The following PDGFRA variants were observed in gnomAD, a reference collection of about 807,000 sequenced individuals.
PDGFRA encodes the protein platelet-derived growth factor receptor alpha.
In PDGFRA, 25 loss-of-function variants were observed where a neutral mutation model predicts 121.5. That is an observed-to-expected ratio of 0.21 (90% CI 0.15 to 0.29). The LOEUF (loss-of-function observed/expected upper bound fraction) is 0.29, where lower values mean the gene tolerates loss of function less well. Among genes scored for constraint, PDGFRA ranks in the 10% least tolerant of loss-of-function variants. The pLI is 1.00. For synonymous variants in PDGFRA, 463 were observed against 494.8 expected (o/e 0.94, Z 0.85); for missense variants, 1,008 against 1,345.1 (o/e 0.75, Z 3.92).
chr4:54,267,926 A>G (rs892456042), intron 7 of PDGFRA, among the ~76,000 whole-genome samples, 185 bp downstream of exon 7: 6 of 152,212 alleles, frequency 3.9e-5, no homozygotes. Context: ...TATGCTGGTA[A>G]GTATTTAATG....
intron 1 of PDGFRA, among the ~76,000 whole-genome samples, chr4:54,245,423 A>G (rs1415112316): frequency 1.3e-5 from 2 of 151,746 alleles, no homozygotes; most frequent in African/African-American, 2.4e-5. Context: ...ATTCTTAAAG[A>G]AAAGAATTTT....
At chr4:54,245,398 G>A (rs1298481618) in intron 1 of PDGFRA, among the ~76,000 whole-genome samples, 1 of 152,088 alleles carries the variant, frequency 6.6e-6, no homozygotes, top group Admixed American at 6.6e-5. Flanking sequence ...AAGAGAGTGG[G>A]GGCCAATATT....
chr4:54,237,078 C>T (rs1049896795), intron 1 of PDGFRA, among the ~76,000 whole-genome samples: 32 of 152,194 alleles, frequency 2.1e-4, no homozygotes, highest in Non-Finnish European at 3.4e-4. Context: ...AAGCCATTCT[C>T]CTGCCTCAGC....
chr4:54,239,828 T>TA (rs997877979), intron 1 of PDGFRA, among the ~76,000 whole-genome samples: 6 of 149,576 alleles, frequency 4.0e-5, no homozygotes, highest in African/African-American at 1.0e-4. Context: ...GTTTCTTTTT[T>TA]AAAAAAAATT....
intron 1 of PDGFRA, among the ~76,000 whole-genome samples, chr4:54,255,731 T>C (rs1301633318): frequency 6.6e-6 from 1 of 152,036 alleles, no homozygotes; most frequent in Non-Finnish European, 1.5e-5. Flanking sequence ...GGTCTCCATC[T>C]CCTGATCTCA....
At position 54,290,533 on chromosome 4, in the gene PDGFRA, T is replaced by C. The variant is rs1444268252; in HGVS notation, c.3101T>C (p.Leu1034Pro). 11 of 1,614,166 alleles carry C rather than the reference T, an allele frequency of 6.8e-6. No individual in the cohort carries two copies. The highest frequency in any genetic ancestry group is 9.3e-6 in the Non-Finnish European group (11 of 1,180,016). The change falls in exon 22 of 23, where the codon CTG (leucine) becomes CCG (proline). Residue 1034 changes from leucine to proline, a missense_variant. This residue lies in a region of PDGFRA where 204 missense variants were observed against 243.0 expected (regional missense o/e 0.84). Transcript: ENST00000257290. ...GACCCTGTCCCTGAGGAGGAGGACC[T>C]GGGCAAGAGGAACAGACACAGGTAG... The part of the protein sequence containing the change: ...DIDPVPEEED[L>P]GKRNRHSSQT...
intron 16 of PDGFRA, among the ~76,000 whole-genome samples, chr4:54,281,292 C>CA (rs35478316): frequency 3.3e-4 from 50 of 152,206 alleles, no homozygotes; most frequent in South Asian, 2.5e-3. Flanking sequence ...TTAGTCAATG[C>CA]AAAAAAGTGT....
chr4:54,276,435 G>A (rs1246300279), intron 12 of PDGFRA, among the ~76,000 whole-genome samples: 1 of 152,168 alleles, frequency 6.6e-6, no homozygotes, highest in African/African-American at 2.4e-5. Flanking sequence ...AATCGGCTCT[G>A]TCTAGGCAGC....
chr4:54,297,899 A>C lies in PDGFRA; in HGVS notation c.*2627A>C, dbSNP rs571005189. On this transcript the variant is annotated 3_prime_UTR_variant, in exon 23 of 23. Coordinates refer to ENST00000257290, the MANE Select transcript of PDGFRA (RefSeq NM_006206.6). ...GGGACATAAGATAAAATGATGTTATACATCAATATGTATATATGTATTTCT... is the reference window on the plus strand; with the variant it reads ...GGGACATAAGATAAAATGATGTTATCCATCAATATGTATATATGTATTTCT... 4.3e-6 allele frequency: 1 copy of C among 233,384 alleles called. No homozygotes were observed. The highest frequency in any genetic ancestry group is 6.1e-5 in the East Asian group (1 of 16,490). The allele number at this position is 233,384 out of a possible 1,614,324, so 14.5% of individuals were successfully genotyped here. A position where few individuals can be genotyped will look rare whatever the true frequency, so the allele number is the denominator to read the frequency against.
At chr4:54,233,083 G>A (rs1212553055) in intron 1 of PDGFRA, among the ~76,000 whole-genome samples, 4 of 151,110 alleles carry the variant, frequency 2.6e-5, no homozygotes, top group African/African-American at 9.7e-5. Flanking sequence ...CACCCGCCCG[G>A]CCCCCTCTCG....
chr4:54,271,993 CCCCTCCCCCCCT>C (rs1723423727), intron 8 of PDGFRA, among the ~76,000 whole-genome samples: 1 of 8,156 alleles, frequency 1.2e-4, no homozygotes, highest in Non-Finnish European at 2.4e-4. Context: ...CCTCCCCTCC[CCCCTCCCCCCCT>C]CCCCTCCCCT....
intron 2 of PDGFRA, 146 bp downstream of exon 2, chr4:54,258,963 G>A (rs1257682718): frequency 1.4e-6 from 1 of 733,606 alleles, no homozygotes; most frequent in African/African-American, 1.8e-5. Flanking sequence ...TATCCAGAAT[G>A]ACCACAAACC....
At chr4:54,288,129 C>T (rs1323133641) in intron 19 of PDGFRA, among the ~76,000 whole-genome samples, 1 of 152,078 alleles carries the variant, frequency 6.6e-6, no homozygotes, top group African/African-American at 2.4e-5. Flanking sequence ...AAACAGTGTG[C>T]TGCTGATTTA....
chr4:54,240,756 A>G (rs1708017512), intron 1 of PDGFRA, among the ~76,000 whole-genome samples: 1 of 152,224 alleles, frequency 6.6e-6, no homozygotes. Flanking sequence ...CCTTTTAGGC[A>G]ATTGGAGCAA....
intron 1 of PDGFRA, among the ~76,000 whole-genome samples, chr4:54,249,725 T>C (rs1356011471): frequency 2.0e-5 from 3 of 152,068 alleles, no homozygotes; most frequent in Non-Finnish European, 4.4e-5. Flanking sequence ...GCATGGCACA[T>C]GTATACATAT....
At chr4:54,266,112 G>T (rs913077723) in intron 5 of PDGFRA, among the ~76,000 whole-genome samples, 1 of 152,156 alleles carries the variant, frequency 6.6e-6, no homozygotes, top group Non-Finnish European at 1.5e-5. Flanking sequence ...TGGTTCTTCT[G>T]TTCATACTTG....
In PDGFRA at chr4:54,273,707, G is replaced by A. The variant is rs1174017872; in HGVS notation, c.1535G>A (p.Arg512Gln). ...LAKNLLGAEN[R>Q]ELKLVAPTLR... is the part of the protein sequence containing the mutation. ...AAGAATCTCCTTGGAGCTGAGAACC[G>A]AGAGCTGAAGCTGGTGGCTCCCAGT... Residue 512 changes from arginine (R) to glutamine (Q), a missense_variant, in exon 10 of 23, where the codon CGA becomes CAA. Around this residue, in one of 5 missense-constraint regions of PDGFRA, gnomAD observed 575 missense variants for 701.8 expected, o/e 0.82. Transcript: ENST00000257290. 5 of 1,613,382 alleles carry A rather than the reference G, an allele frequency of 3.1e-6. No individual in the cohort carries two copies. The highest frequency in any genetic ancestry group is 4.2e-6 in the Non-Finnish European group (5 of 1,180,004).
chr4:54,257,855 A>G (rs557990886), intron 1 of PDGFRA, among the ~76,000 whole-genome samples: 12 of 151,718 alleles, frequency 7.9e-5, no homozygotes, highest in African/African-American at 2.9e-4. Flanking sequence ...TTCTCTTTTA[A>G]TTTTCTTTTC....
At chr4:54,283,825 C>A (rs944294063) in intron 16 of PDGFRA, among the ~76,000 whole-genome samples, 1 of 152,130 alleles carries the variant, frequency 6.6e-6, no homozygotes, top group Non-Finnish European at 1.5e-5. Context: ...CTAGTTTGAA[C>A]TCTTGGACTC....
Sources: gnomAD v4.1 joint callset for allele counts (sites outside exome capture counted in the v4.1 genomes callset) on GRCh38, gnomAD v4.1.1 for gene constraint, gnomAD v4.1.1 regional missense constraint, MANE v1.5 for transcripts, NCBI Gene and HGNC (gene_info 2026-07-23, HGNC 2026-07-21) for gene names.